DYNC1H1: variants seen among roughly 807,000 people sequenced by gnomAD.
DYNC1H1 encodes dynein cytoplasmic 1 heavy chain 1.
Under a neutral mutation model 527.1 loss-of-function variants are expected in DYNC1H1, and 51 were observed. The observed-to-expected ratio is 0.10, with a 90% CI of 0.08 to 0.12. The LOEUF is 0.12. DYNC1H1 is among the 10% of genes least tolerant of loss of function. The probability of loss-of-function intolerance (pLI) is 1.00; values close to 1 mark genes in which losing one functional copy is unlikely to be tolerated. For synonymous variants in DYNC1H1, 2,189 were observed against 2,278.8 expected (o/e 0.96, Z 1.12); for missense variants, 2,771 against 5,971.8 (o/e 0.46, Z 17.66).
chr14:101,966,578 C>T (rs576332309), intron 1 of DYNC1H1, among the ~76,000 whole-genome samples: 3 of 151,814 alleles, frequency 2.0e-5, no homozygotes, highest in Non-Finnish European at 2.9e-5. Flanking sequence ...AATGCATATT[C>T]GTCATTTTAT....
intron 1 of DYNC1H1, among the ~76,000 whole-genome samples, chr14:101,967,532 AC>A (rs2141260850): frequency 6.6e-6 from 1 of 152,276 alleles, no homozygotes; most frequent in South Asian, 2.1e-4. Flanking sequence ...CTAGCCATAA[AC>A]TTTTGTTGTT....
chr14:102,034,767 T>TA, intron 56 of DYNC1H1: 1 of 427,760 alleles, frequency 2.3e-6, no homozygotes, highest in Non-Finnish European at 4.4e-6. Context: ...CTACTAAAAA[T>TA]ACAAAAAAAT....
Position 102,004,501 on chromosome 14 carries a change from T to A in DYNC1H1, c.4884-17T>A. On this transcript the variant is annotated splice_polypyrimidine_tract_variant and intron_variant, in intron 23 of 77. Coordinates refer to ENST00000360184, the MANE Select transcript of DYNC1H1 (RefSeq NM_001376.5). ...GTATATAATATTTTTGCAACTTGAG[T>A]GTTATTTTAATTTTAGGTTCTATTT... The A allele has an allele frequency of 6.2e-7, 1 of 1,604,790 alleles. No homozygotes were observed. Among genetic ancestry groups the A allele is most frequent in the South Asian group, 1.1e-5 (1 of 89,962 alleles).
chr14:101,979,630 T>A lies in DYNC1H1; in HGVS notation c.519-89T>A. 1 of 1,608,242 alleles carries A rather than the reference T, an allele frequency of 6.2e-7. No homozygotes were observed. Among genetic ancestry groups the A allele is most frequent in the Non-Finnish European group, 8.5e-7 (1 of 1,176,796 alleles). On this transcript the variant is annotated intron_variant, in intron 3 of 77. Transcript: ENST00000360184. This position sits in a 1 kb window ranked among gnomAD's most constrained non-coding sequence, Gnocchi z 4.6. ...AACCCTGTGTATTAATAAATATGTG[T>A]GTCATTACTATTTGACAGACCTGAA...
intron 2 of DYNC1H1, 110 bp downstream of exon 2, chr14:101,975,909 T>TG: frequency 4.7e-6 from 4 of 852,724 alleles, no homozygotes; most frequent in Middle Eastern, 3.6e-4. Flanking sequence ...TTAATATAAA[T>TG]CTTTTTTTTT....
Position 101,986,825 on chromosome 14 carries a change from C to A in DYNC1H1, c.2538+62C>A. 2.5e-6 allele frequency: 4 copies of A among 1,577,584 alleles called. No individual in the cohort carries two copies. The South Asian group carries it at 3.3e-5, about 13-fold the overall frequency. On this transcript the variant is annotated intron_variant, in intron 8 of 77. Coordinates refer to ENST00000360184, the MANE Select transcript of DYNC1H1 (RefSeq NM_001376.5). The surrounding 1 kb of genome is among the most constrained non-coding windows in gnomAD (Gnocchi z 8.7). Reference sequence around the variant, plus strand: ...GAATGAAGCACAGTAATAGCGAGCTCAGTTAAAACACTAGTTCTCCCGAAG... The same window carrying A: ...GAATGAAGCACAGTAATAGCGAGCTAAGTTAAAACACTAGTTCTCCCGAAG...
In DYNC1H1 at chr14:102,050,516, C is replaced by T. The variant is rs777859033; in HGVS notation, c.13894C>T (p.Pro4632Ser). ...VDFEIATKED[P>S]RSFYERGVAV... ...CTTCGAAATTGCTACAAAGGAGGAT[C>T]CTCGCAGCTTCTACGAGCGGGGTGT... is the stretch of plus-strand genomic sequence containing the variant. The change falls in exon 78 of 78, where the codon CCT becomes TCT. Residue 4632 changes from proline to serine, a missense_variant. Physicochemically the swap from Pro to Ser is moderately conservative, Grantham distance 74. Transcript: ENST00000360184. The T allele has an allele frequency of 1.2e-6, 2 of 1,614,252 alleles. No individual in the cohort carries two copies. The highest frequency in any genetic ancestry group is 1.7e-5 in the Admixed American group (1 of 60,024).
intron 2 of DYNC1H1, among the ~76,000 whole-genome samples, chr14:101,978,029 G>A (rs1302507820): frequency 3.3e-5 from 5 of 152,144 alleles, no homozygotes. Flanking sequence ...TGGGATTACA[G>A]GCACCTGCCA....
At chr14:101,981,855 A>G (rs1242805585) in intron 5 of DYNC1H1, among the ~76,000 whole-genome samples, 1 of 152,222 alleles carries the variant, frequency 6.6e-6, no homozygotes, top group African/African-American at 2.4e-5. Flanking sequence ...TTAGTTAGTA[A>G]TATGTTCACC....
At position 102,007,073 on chromosome 14, in the gene DYNC1H1, T is replaced by C. The variant is rs769964109; in HGVS notation, c.5782T>C (p.Leu1928=). Residue 1928 remains leucine (L), a synonymous_variant, in exon 28 of 78, where the codon TTA becomes CTA. Coordinates refer to ENST00000360184, the MANE Select transcript of DYNC1H1 (RefSeq NM_001376.5). ...TGGCCATCAGCTTGGACGGTTTGTT[T>C]TAGTTTTCAACTGTGATGAAACCTT... ...ALGHQLGRFV[L]VFNCDETFDF... 1 of 1,614,250 alleles carries C rather than the reference T, an allele frequency of 6.2e-7. No individual in the cohort carries two copies. The highest frequency in any genetic ancestry group is 8.5e-7 in the Non-Finnish European group (1 of 1,180,044).
rs918642126 is a variant in DYNC1H1 at position 102,018,136 on chromosome 14, A to G, written c.8178-315A>G. On this transcript the variant is annotated intron_variant, in intron 40 of 77. Coordinates refer to ENST00000360184, the MANE Select transcript of DYNC1H1 (RefSeq NM_001376.5). This position sits in a 1 kb window ranked among gnomAD's most constrained non-coding sequence, Gnocchi z 5.2. ...AAATAAATAAATAAAATAAAATGAA[A>G]TAAAAGCATTGATCTCTTGGTAGTG... The G allele has an allele frequency of 9.3e-6, 3 of 324,164 alleles. No individual in the cohort carries two copies. Among genetic ancestry groups the G allele is most frequent in the Middle Eastern group, 9.2e-4 (1 of 1,084 alleles). 20.1% of individuals were successfully genotyped at this position (324,164 alleles called of 1,614,324 possible).
intron 27 of DYNC1H1, 57 bp downstream of exon 27, chr14:102,006,227 A>G: frequency 6.2e-7 from 1 of 1,600,540 alleles, no homozygotes. Context: ...GTTTAAAGAT[A>G]AAGCTAATGA....
chr14:102,035,238 A>G (rs79302541), intron 56 of DYNC1H1: 27 of 152,332 alleles, frequency 1.8e-4, no homozygotes, highest in African/African-American at 5.1e-4. Flanking sequence ...TCAAAAAAAT[A>G]AAAATAAAGT....
At chr14:101,966,835 G>A (rs1256209246) in intron 1 of DYNC1H1, among the ~76,000 whole-genome samples, 2 of 151,756 alleles carry the variant, frequency 1.3e-5, no homozygotes, top group African/African-American at 4.8e-5. Flanking sequence ...TGGGGTGGGG[G>A]GACTATGTTT....
intron 29 of DYNC1H1, chr14:102,009,488 T>G: frequency 3.2e-6 from 1 of 315,684 alleles, no homozygotes; most frequent in South Asian, 3.0e-5. Flanking sequence ...AGCCAGTCAG[T>G]GTCGCGGCAT....
At chr14:101,984,401 A>ATGTG (rs34162363) in intron 7 of DYNC1H1, among the ~76,000 whole-genome samples, 1,262 of 102,294 alleles carry the variant, frequency 0.012, 14 homozygotes, top group African/African-American at 0.036. Flanking sequence ...ATGCGTATAT[A>ATGTG]TGTGTGTGTG....
At chr14:102,047,564 CATATATATATACATACACATACGTAT>C (rs1445546460) in intron 72 of DYNC1H1, 5 of 271,010 alleles carry the variant, frequency 1.8e-5, no homozygotes, top group African/African-American at 1.2e-4. Flanking sequence ...CACACACACA[CATATATATATACATACACATACGTAT>C]ATATATATAC....
chr14:101,978,706 A>G (rs1255453021), intron 2 of DYNC1H1, among the ~76,000 whole-genome samples: 3 of 152,234 alleles, frequency 2.0e-5, no homozygotes, highest in Non-Finnish European at 4.4e-5. Context: ...TCAAAATACA[A>G]TGGAAACATG....
At chr14:101,978,131 T>G (rs1342900914) in intron 2 of DYNC1H1, among the ~76,000 whole-genome samples, 2 of 152,236 alleles carry the variant, frequency 1.3e-5, no homozygotes, top group Non-Finnish European at 2.9e-5. Flanking sequence ...CTCGGCTCAC[T>G]GCAACCTCTG....
Sources: gnomAD v4.1 joint callset for allele counts (sites outside exome capture counted in the v4.1 genomes callset) on GRCh38, gnomAD v4.1.1 for gene constraint, Gnocchi (gnomAD v3.1) non-coding constraint, MANE v1.5 for transcripts, NCBI Gene and HGNC (gene_info 2026-07-23, HGNC 2026-07-21) for gene names.